Variants in ATP10D observed in about 807,000 individuals in gnomAD.
ATP10D encodes the protein ATPase phospholipid transporting 10D (putative), also known as phospholipid-transporting ATPase VD.
A neutral mutation model predicts 144.8 loss-of-function variants in ATP10D; 89 were observed. The ratio of observed to expected loss-of-function variants is 0.61; its 90% CI spans 0.52 to 0.73. The LOEUF is 0.73. Among genes scored for constraint, ATP10D ranks in the 30% least tolerant of loss-of-function variants. The pLI is 0.00. For missense variants in ATP10D, 1,603 were observed against 1,714.8 expected (o/e 0.93, Z 1.15); for synonymous variants, 571 against 615.1 (o/e 0.93, Z 1.06).
At chr4:47,519,196 A>G (rs1200119469) in intron 3 of ATP10D, among the ~76,000 whole-genome samples, 1 of 152,204 alleles carries the variant, frequency 6.6e-6, no homozygotes, top group Non-Finnish European at 1.5e-5. Context: ...GTAGGCATCC[A>G]CATTCCCCAC....
rs2109448518 is a variant in ATP10D at position 47,558,283 on chromosome 4, T to C, written c.2434+10T>C. Reference sequence around the variant, plus strand: ...TCGGTGGCTTCCCCAGGTAAGTTTATACAAAAGTGAAATAGTAGTGATTTG... The same window carrying C: ...TCGGTGGCTTCCCCAGGTAAGTTTACACAAAAGTGAAATAGTAGTGATTTG... On this transcript the variant is annotated intron_variant, in intron 12 of 22. Coordinates refer to ENST00000273859, the MANE Select transcript of ATP10D (RefSeq NM_020453.4). 1 of 1,608,436 alleles carries C rather than the reference T, an allele frequency of 6.2e-7. No individual in the cohort carries two copies. Among genetic ancestry groups the C allele is most frequent in the South Asian group, 1.1e-5 (1 of 90,802 alleles).
intron 5 of ATP10D, among the ~76,000 whole-genome samples, chr4:47,530,065 A>T (rs1412804148): frequency 2.6e-5 from 4 of 152,158 alleles, no homozygotes; most frequent in Non-Finnish European, 5.9e-5. Flanking sequence ...AGGGTTTTCT[A>T]GGTATAAGAA....
chr4:47,591,420 G>A lies in ATP10D; in HGVS notation c.*39G>A, dbSNP rs1012655086. ...AGTTGCAAGTATTCTTTCAAGGTTG[G>A]AAGAGGGATTTTGAAGAGGTATCTC... On this transcript the variant is annotated 3_prime_UTR_variant, in exon 23 of 23. Transcript: ENST00000273859. 5 of 1,501,284 alleles carry A rather than the reference G, an allele frequency of 3.3e-6. No homozygotes were observed. The African/African-American group carries it at 4.2e-5, about 13-fold the overall frequency. 93.0% of individuals were successfully genotyped at this position (1,501,284 alleles called of 1,614,324 possible). A position where few individuals can be genotyped will look rare whatever the true frequency, so the allele number is the denominator to read the frequency against.
At chr4:47,535,406 G>GCCTTTTTACT in intron 5 of ATP10D, 103 bp from the exon 6 acceptor site, 1 of 797,406 alleles carries the variant, frequency 1.3e-6, no homozygotes, top group Non-Finnish European at 1.9e-6. Context: ...CTTGTGAAAT[G>GCCTTTTTACT]CCTTTTTACT....
intron 9 of ATP10D, among the ~76,000 whole-genome samples, chr4:47,542,284 G>A (rs538832804): frequency 2.0e-5 from 3 of 151,904 alleles, no homozygotes; most frequent in African/African-American, 7.2e-5. Flanking sequence ...TTTTGTAGAG[G>A]CAGGATTTCG....
intron 14 of ATP10D, among the ~76,000 whole-genome samples, chr4:47,563,334 A>G (rs1435813123): frequency 6.6e-6 from 1 of 152,198 alleles, no homozygotes; most frequent in Non-Finnish European, 1.5e-5. Context: ...CAGATAAGAA[A>G]TCTAGCCAAA....
intron 15 of ATP10D, among the ~76,000 whole-genome samples, chr4:47,565,286 C>T (rs746196113): frequency 5.9e-5 from 9 of 152,092 alleles, no homozygotes; most frequent in Non-Finnish European, 1.0e-4. Context: ...ATGGTCAGAC[C>T]TCAACCAGCA....
chr4:47,576,929 C>T lies in ATP10D; in HGVS notation c.3523C>T (p.Leu1175Phe), dbSNP rs765171447. 3.1e-6 allele frequency: 5 copies of T among 1,614,068 alleles called. No individual in the cohort carries two copies. The highest frequency in any genetic ancestry group is 1.3e-5 in the African/African-American group (1 of 74,932). Residue 1175 changes from leucine to phenylalanine, a missense_variant, in exon 19 of 23, where the codon CTC (leucine) becomes TTC (phenylalanine). Physicochemically the swap from Leu to Phe is conservative, Grantham distance 22. Coordinates refer to ENST00000273859, the MANE Select transcript of ATP10D (RefSeq NM_020453.4). Reference sequence around the variant, plus strand: ...GGAGAAAGATGTGTCTGCAGAGACCCTCATGCAACTGCCTGAACTTTACAG... The same window carrying T: ...GGAGAAAGATGTGTCTGCAGAGACCTTCATGCAACTGCCTGAACTTTACAG... Reference protein sequence around the residue: ...VLEKDVSAETLMQLPELYRSG... With the variant: ...VLEKDVSAETFMQLPELYRSG...
At chr4:47,587,959 T>C (rs1017905957) in intron 22 of ATP10D, among the ~76,000 whole-genome samples, 9 of 151,116 alleles carry the variant, frequency 6.0e-5, no homozygotes, top group Non-Finnish European at 1.0e-4. Context: ...AGCAGCTTTG[T>C]TTTTATATTT....
intron 19 of ATP10D, chr4:47,578,345 T>G (rs1720342087): frequency 6.6e-6 from 1 of 152,196 alleles, no homozygotes; most frequent in East Asian, 1.9e-4. Flanking sequence ...AAGTCTGCAG[T>G]CAGAAGCTTC....
chr4:47,497,477 A>G (rs904000178), intron 1 of ATP10D, among the ~76,000 whole-genome samples: 7 of 152,046 alleles, frequency 4.6e-5, no homozygotes, highest in Admixed American at 3.9e-4. Flanking sequence ...AAAATAGATC[A>G]TTGTAATAAT....
chr4:47,519,429 A>T (rs1716837220), intron 3 of ATP10D, among the ~76,000 whole-genome samples: 1 of 152,204 alleles, frequency 6.6e-6, no homozygotes, highest in Admixed American at 6.5e-5. Flanking sequence ...AGCACAAACC[A>T]CCAAGGAGAT....
At chr4:47,573,796 A>AT (rs1481375711) in intron 18 of ATP10D, among the ~76,000 whole-genome samples, 1 of 152,138 alleles carries the variant, frequency 6.6e-6, no homozygotes, top group East Asian at 1.9e-4. Context: ...TTAAAATACC[A>AT]TTTTTAGGGG....
At chr4:47,578,273 T>A (rs1400183164) in intron 19 of ATP10D, 3 of 152,238 alleles carry the variant, frequency 2.0e-5, no homozygotes, top group Non-Finnish European at 4.4e-5. Context: ...TTTCCTGTGT[T>A]CAGTGTCATG....
rs1014727277 is a variant in ATP10D at position 47,593,137 on chromosome 4, A to G, written c.*1756A>G. Reference sequence around the variant, plus strand: ...TAAATAAAAAGGTTAGAATCTAAGGACAAAGAATGATCCAAAAATACTAAG... The same window carrying G: ...TAAATAAAAAGGTTAGAATCTAAGGGCAAAGAATGATCCAAAAATACTAAG... On this transcript the variant is annotated 3_prime_UTR_variant, in exon 23 of 23. Transcript: ENST00000273859. 1.4e-4 allele frequency: 21 copies of G among 152,124 alleles called. No individual in the cohort carries two copies. Among genetic ancestry groups the G allele is most frequent in the African/African-American group, 4.8e-4 (20 of 41,440 alleles). The allele number at this position is 152,124 out of a possible 1,614,324, so 9.4% of individuals were successfully genotyped here.
At chr4:47,550,578 C>CTCGTGT (rs1429391816) in intron 10 of ATP10D, among the ~76,000 whole-genome samples, 1 of 151,932 alleles carries the variant, frequency 6.6e-6, no homozygotes, top group East Asian at 1.9e-4. Context: ...GGTGGCAAGC[C>CTCGTGT]TCGTGTTCTC....
At chr4:47,545,691 G>T (rs1718381672) in intron 9 of ATP10D, among the ~76,000 whole-genome samples, 3 of 152,218 alleles carry the variant, frequency 2.0e-5, no homozygotes, top group African/African-American at 4.8e-5. Context: ...CCTATCAACT[G>T]CTGCTTTGAA....
Position 47,576,960 on chromosome 4 carries a change from G to A in ATP10D, c.3554G>A (p.Gly1185Asp). The A allele has an allele frequency of 6.2e-7, 1 of 1,614,134 alleles. No individual in the cohort carries two copies. The highest frequency in any genetic ancestry group is 8.5e-7 in the Non-Finnish European group (1 of 1,179,992). Residue 1185 changes from glycine to aspartate, a missense_variant, in exon 19 of 23, where the codon GGT becomes GAT. Coordinates refer to ENST00000273859, the MANE Select transcript of ATP10D (RefSeq NM_020453.4). ...CAACTGCCTGAACTTTACAGAAGTG[G>A]TCAGAAATCAGAGGTAGGTGTTAAA... is the stretch of plus-strand genomic sequence containing the variant. ...LMQLPELYRS[G>D]QKSEAYLPHT... is the part of the protein sequence containing the mutation.
intron 10 of ATP10D, 199 bp downstream of exon 10, chr4:47,547,061 T>A: frequency 1.7e-6 from 1 of 585,834 alleles, no homozygotes; most frequent in Non-Finnish European, 3.0e-6. Context: ...AAAAAATAAC[T>A]CAATGTTGAG....
Sources: gnomAD v4.1 joint callset for allele counts (sites outside exome capture counted in the v4.1 genomes callset) on GRCh38, gnomAD v4.1.1 for gene constraint, MANE v1.5 for transcripts, NCBI Gene and HGNC (gene_info 2026-07-23, HGNC 2026-07-21) for gene names.